Variants in SOX6 observed in about 807,000 individuals in gnomAD.
The protein encoded by SOX6 is SRY-box transcription factor 6, also known as transcription factor SOX-6.
SOX6 carries 11 observed loss-of-function variants against 97.8 expected under a neutral mutation model. The ratio of observed to expected loss-of-function variants is 0.11; its 90% CI spans 0.07 to 0.19. The LOEUF is 0.19. Ranked by LOEUF, SOX6 falls within the 10% of genes least tolerant of loss-of-function variation. The pLI, the probability that SOX6 is intolerant of heterozygous loss-of-function variation, is 1.00. For missense variants in SOX6, 810 were observed against 1,039.5 expected (o/e 0.78, Z 3.04); for synonymous variants, 360 against 371.4 (o/e 0.97, Z 0.35).
At chr11:16,491,519 G>GA (rs1860510654) in intron 4 of SOX6, among the ~76,000 whole-genome samples, 1 of 148,154 alleles carries the variant, frequency 6.7e-6, no homozygotes. Context: ...TGTGTGTGTG[G>GA]TGTGCGTGTG....
chr11:16,352,121 G>A (rs1172288263), intron 1 of SOX6, among the ~76,000 whole-genome samples: 1 of 151,950 alleles, frequency 6.6e-6, no homozygotes, highest in Non-Finnish European at 1.5e-5. Context: ...CACACACTCT[G>A]GACAATAAAT....
At chr11:16,489,787 T>C (rs575610704) in intron 4 of SOX6, among the ~76,000 whole-genome samples, 72 of 152,204 alleles carry the variant, frequency 4.7e-4, no homozygotes, top group African/African-American at 1.7e-3. Flanking sequence ...TTTGTTCCAT[T>C]ACTTCACACT....
intron 3 of SOX6, among the ~76,000 whole-genome samples, chr11:16,275,380 T>A (rs1854368668): frequency 6.6e-6 from 1 of 151,286 alleles, no homozygotes; most frequent in Non-Finnish European, 1.5e-5. Flanking sequence ...GGCATGAACC[T>A]GGGAGGCGGA....
At chr11:15,973,814 C>G (rs903676428) in intron 15 of SOX6, among the ~76,000 whole-genome samples, 9 of 152,068 alleles carry the variant, frequency 5.9e-5, no homozygotes. Flanking sequence ...GAGTAGACAC[C>G]AGATACGCTG....
chr11:16,355,186 A>G (rs1857041396), intron 1 of SOX6, among the ~76,000 whole-genome samples: 1 of 152,078 alleles, frequency 6.6e-6, no homozygotes, highest in Non-Finnish European at 1.5e-5. Flanking sequence ...TTGAAGCTGA[A>G]AGTTCCATCA....
At chr11:16,539,534 T>C in intron 4 of SOX6, among the ~76,000 whole-genome samples, 1 of 152,042 alleles carries the variant, frequency 6.6e-6, no homozygotes, top group Non-Finnish European at 1.5e-5. Flanking sequence ...ATCCAGGAGC[T>C]GGTTTTTTGA....
chr11:16,525,306 A>G (rs1861139365), intron 4 of SOX6, among the ~76,000 whole-genome samples: 2 of 151,602 alleles, frequency 1.3e-5, no homozygotes, highest in Admixed American at 6.6e-5. Context: ...GGAACAGAAC[A>G]GAGCCCTCAG....
chr11:16,124,775 T>C (rs1849569330), intron 6 of SOX6, among the ~76,000 whole-genome samples: 1 of 152,016 alleles, frequency 6.6e-6, no homozygotes, highest in South Asian at 2.1e-4. Context: ...AAGGGAGTAT[T>C]ACCATGAGAC....
In SOX6 at chr11:16,452,110, G is replaced by A. The variant is rs144944731; in HGVS notation, c.-5+24205C>T. On this transcript the variant is annotated intron_variant, in intron 1 of 15. Transcript: ENST00000396356. ...GTACAGCTGGATAAAGTTGTAGTGG[G>A]ATATATCTGCATAAATACATATTGC... Among the ~76,000 whole-genome samples the A allele has an allele frequency of 7.5e-3, 1,146 of 152,194 alleles. 13 individuals carry two copies. Among genetic ancestry groups the A allele is most frequent in the African/African-American group, 0.026 (1,098 of 41,508 alleles).
At chr11:16,730,292 C>G (rs552328386) in intron 2 of SOX6, among the ~76,000 whole-genome samples, 1 of 152,202 alleles carries the variant, frequency 6.6e-6, no homozygotes, top group South Asian at 2.1e-4. Context: ...ACAGAACATA[C>G]ATTCTTCTCA....
intron 4 of SOX6, among the ~76,000 whole-genome samples, chr11:16,547,519 T>C (rs1847635270): frequency 6.6e-6 from 1 of 152,128 alleles, no homozygotes; most frequent in Non-Finnish European, 1.5e-5. Context: ...GAGGTCATTA[T>C]GTTAAGTGAA....
intron 3 of SOX6, among the ~76,000 whole-genome samples, chr11:16,645,351 T>C (rs776740788): frequency 2.6e-5 from 4 of 152,222 alleles, no homozygotes; most frequent in Non-Finnish European, 4.4e-5. Flanking sequence ...AATAGTTTTT[T>C]ACCACCTGCA....
At chr11:16,353,474 C>A (rs1186571559) in intron 1 of SOX6, among the ~76,000 whole-genome samples, 2 of 152,048 alleles carry the variant, frequency 1.3e-5, no homozygotes, top group African/African-American at 4.8e-5. Context: ...GTTTTTACCA[C>A]CAACCCAAAT....
chr11:16,637,284 G>A (rs1264058384), intron 3 of SOX6, among the ~76,000 whole-genome samples: 2 of 152,088 alleles, frequency 1.3e-5, no homozygotes, highest in African/African-American at 2.4e-5. Context: ...GCAGTGGTGT[G>A]ATCTCAGCTC....
At chr11:16,080,141 T>C (rs1405170912) in intron 9 of SOX6, among the ~76,000 whole-genome samples, 2 of 150,776 alleles carry the variant, frequency 1.3e-5, no homozygotes, top group African/African-American at 2.4e-5. Context: ...GCGATAGATA[T>C]GTTAATTACC....
At chr11:16,569,190 A>T (rs1847910630) in intron 4 of SOX6, among the ~76,000 whole-genome samples, 2 of 152,330 alleles carry the variant, frequency 1.3e-5, no homozygotes, top group African/African-American at 4.8e-5. Context: ...AAATTCTTTT[A>T]AAAATTCTGA....
intron 3 of SOX6, among the ~76,000 whole-genome samples, chr11:16,273,209 G>A (rs147120383): frequency 6.6e-6 from 1 of 151,650 alleles, no homozygotes; most frequent in Non-Finnish European, 1.5e-5. Context: ...TAGCAACCAA[G>A]GAAAGAAATA....
At chr11:16,038,518 G>T (rs2133895414) in intron 12 of SOX6, among the ~76,000 whole-genome samples, 1 of 152,168 alleles carries the variant, frequency 6.6e-6, no homozygotes, top group Admixed American at 6.5e-5. Flanking sequence ...TTTATTAAAT[G>T]CCCAATTTGT....
intron 3 of SOX6, among the ~76,000 whole-genome samples, chr11:16,624,768 C>T (rs959509773): frequency 1.3e-5 from 2 of 152,128 alleles, no homozygotes; most frequent in African/African-American, 4.8e-5. Flanking sequence ...TCAATTGCCT[C>T]GCATTTTACC....
Sources: gnomAD v4.1 joint callset for allele counts (sites outside exome capture counted in the v4.1 genomes callset) on GRCh38, gnomAD v4.1.1 for gene constraint, MANE v1.5 for transcripts, NCBI Gene and HGNC (gene_info 2026-07-23, HGNC 2026-07-21) for gene names.